The following EIF4E2 variants were observed in gnomAD, a reference collection of about 807,000 sequenced individuals.
EIF4E2 encodes the protein eukaryotic translation initiation factor 4E type 2.
A neutral mutation model predicts 34.2 loss-of-function variants in EIF4E2; 13 were observed. The ratio of observed to expected loss-of-function variants is 0.38; its 90% CI spans 0.25 to 0.60. EIF4E2 has a LOEUF of 0.60. EIF4E2 is among the 20% of genes least tolerant of loss of function. The pLI is 0.62. For synonymous variants in EIF4E2, 100 were observed against 106.6 expected, an observed-to-expected ratio of 0.94 and a Z score of 0.38; for missense variants, 222 against 315.1, an observed-to-expected ratio of 0.70 and a Z score of 2.24.
chr2:232,568,725 G>A (rs1172796976), intron 6 of EIF4E2: 4 of 985,250 alleles, frequency 4.1e-6, no homozygotes, highest in African/African-American at 3.5e-5. Flanking sequence ...ATATGTACAC[G>A]TCCTTACAGA....
At chr2:232,579,762 A>G (rs1335983247) in intron 6 of EIF4E2, among the ~76,000 whole-genome samples, 1 of 152,122 alleles carries the variant, frequency 6.6e-6, no homozygotes, top group Non-Finnish European at 1.5e-5. Flanking sequence ...AGAGTTCAAG[A>G]CCAACCTGGG....
chr2:232,564,269 A>G lies in EIF4E2; in HGVS notation c.293A>G (p.Tyr98Cys), dbSNP rs1275231663. Residue 98 changes from tyrosine (Y) to cysteine (C), a missense_variant, in exon 4 of 7, where the codon TAT becomes TGT. Coordinates refer to ENST00000258416, the MANE Select transcript of EIF4E2 (RefSeq NM_004846.4). The stretch of plus-strand genomic sequence containing the variant: ...CAGGTGGAGCAGTTCTGGAGGTTTT[A>G]TAGCCACATGGTACGTCCTGGGGAC... The part of the protein sequence containing the change: ...FASVEQFWRF[Y>C]SHMVRPGDLT... The G allele has an allele frequency of 1.9e-6, 3 of 1,598,178 alleles. No homozygotes were observed. Among genetic ancestry groups the G allele is most frequent in the Non-Finnish European group, 2.6e-6 (3 of 1,171,096 alleles).
intron 6 of EIF4E2, among the ~76,000 whole-genome samples, chr2:232,579,482 C>T (rs1574680751): frequency 1.3e-5 from 2 of 152,252 alleles, no homozygotes; most frequent in Non-Finnish European, 2.9e-5. Flanking sequence ...TCCAGTTTTT[C>T]TTCTCAGTTC....
rs1426892437 is a variant in EIF4E2 at position 232,567,226 on chromosome 2, G to A, written c.665+12G>A. The A allele has an allele frequency of 3.1e-6, 5 of 1,614,100 alleles. No homozygotes were observed. The highest frequency in any genetic ancestry group is 3.4e-6 in the Non-Finnish European group (4 of 1,179,976). On this transcript the variant is annotated intron_variant, in intron 6 of 6. Transcript: ENST00000258416. ...ACCGACAGCATCAAGTACGTGTTGGGGGGTTATGGGAGGACGTGTCCCTAA... is the reference window on the plus strand; with the variant it reads ...ACCGACAGCATCAAGTACGTGTTGGAGGGTTATGGGAGGACGTGTCCCTAA...
At chr2:232,569,432 A>G (rs900645880), downstream of EIF4E2, among the ~76,000 whole-genome samples, 2 of 151,894 alleles carry the variant, frequency 1.3e-5, no homozygotes, top group African/African-American at 4.8e-5. Flanking sequence ...ATAAGACCCC[A>G]TTTTCTGGTA....
chr2:232,571,768 G>T (rs773593883), downstream of EIF4E2, among the ~76,000 whole-genome samples: 1 of 152,190 alleles, frequency 6.6e-6, no homozygotes, highest in Non-Finnish European at 1.5e-5. Flanking sequence ...TCCTGGCATG[G>T]CTAAATCATA....
At chr2:232,550,777 T>A in intron 1 of EIF4E2, 33 bp downstream of exon 1, 1 of 1,538,796 alleles carries the variant, frequency 6.5e-7, no homozygotes, top group Non-Finnish European at 8.8e-7. Context: ...CGGGGCCCCT[T>A]CCCCGAACAG....
chr2:232,556,654 TG>T lies in EIF4E2; in HGVS notation c.135+125del, dbSNP rs1388006850. ...CATCCTGTGTTGGAATATCTGACTT[TG>T]TTCTCAGAAAAACATTGTGCAATCA... On this transcript the variant is annotated intron_variant, in intron 2 of 6. Coordinates refer to ENST00000258416, the MANE Select transcript of EIF4E2 (RefSeq NM_004846.4). 27 of 704,168 alleles carry T rather than the reference TG, an allele frequency of 3.8e-5. 1 individual carries two copies. In the African/African-American group the frequency reaches 4.8e-4, roughly 13 times the overall value. The allele number at this position is 704,168 out of a possible 1,614,324, so 43.6% of individuals were successfully genotyped here.
intron 6 of EIF4E2, 72 bp from the exon 7 acceptor site, chr2:232,568,873 C>G: frequency 1.2e-6 from 2 of 1,601,398 alleles, no homozygotes; most frequent in East Asian, 2.2e-5. Context: ...TCTTTGAGAC[C>G]CAGATGCTAC....
intron 3 of EIF4E2, among the ~76,000 whole-genome samples, chr2:232,561,042 G>A (rs1179608445): frequency 3.3e-5 from 5 of 152,176 alleles, no homozygotes; most frequent in Non-Finnish European, 7.4e-5. Context: ...GTGATACTAT[G>A]GGAAAGGCAT....
chr2:232,577,511 C>T (rs982211127), intron 6 of EIF4E2, among the ~76,000 whole-genome samples: 4 of 152,192 alleles, frequency 2.6e-5, no homozygotes, highest in South Asian at 4.2e-4. Context: ...TAATCTCTGC[C>T]GTAGTTCATT....
intron 6 of EIF4E2, among the ~76,000 whole-genome samples, chr2:232,578,492 G>A (rs554416980): frequency 4.6e-5 from 7 of 152,108 alleles, no homozygotes; most frequent in Admixed American, 1.3e-4. Flanking sequence ...TTAGCTGGGC[G>A]TGGTGGTGCA....
Position 232,558,029 on chromosome 2 carries a change from G to A in EIF4E2, c.270+11G>A. The stretch of plus-strand genomic sequence containing the variant: ...GGCACCTTTGCCTCTGTGAGTTCTT[G>A]GTGAATTAATGGAGTGTGCCTTGAT... On this transcript the variant is annotated intron_variant, in intron 3 of 6. Coordinates refer to ENST00000258416, the MANE Select transcript of EIF4E2 (RefSeq NM_004846.4). The A allele has an allele frequency of 1.2e-6, 2 of 1,613,714 alleles. No homozygotes were observed. Among genetic ancestry groups the A allele is most frequent in the Non-Finnish European group, 1.7e-6 (2 of 1,179,922 alleles).
At chr2:232,582,215 G>C (rs1186786301) in exon 7 of EIF4E2, 2 of 152,620 alleles carry the variant, frequency 1.3e-5, no homozygotes, top group African/African-American at 2.4e-5. Context: ...GCTCTTGTGA[G>C]CAAAGACTGC....
intron 2 of EIF4E2, 37 bp from the exon 3 acceptor site, chr2:232,557,847 A>T: frequency 6.2e-7 from 1 of 1,605,548 alleles, no homozygotes; most frequent in Non-Finnish European, 8.5e-7. Context: ...ACCACGTGAC[A>T]AATGCCCAGG....
At chr2:232,563,701 G>A (rs1273931162) in intron 3 of EIF4E2, among the ~76,000 whole-genome samples, 2 of 152,170 alleles carry the variant, frequency 1.3e-5, no homozygotes, top group African/African-American at 4.8e-5. Flanking sequence ...AGGTCTAAGA[G>A]GTATTTACAT....
At chr2:232,565,860 G>A (rs1185948724) in intron 4 of EIF4E2, among the ~76,000 whole-genome samples, 2 of 151,656 alleles carry the variant, frequency 1.3e-5, no homozygotes, top group South Asian at 2.1e-4. Context: ...TTGGGAATCC[G>A]AGGCAGACAG....
At chr2:232,582,238 TA>T (rs1350162035) in exon 7 of EIF4E2, 1 of 152,628 alleles carries the variant, frequency 6.6e-6, no homozygotes, top group Non-Finnish European at 1.5e-5. Flanking sequence ...TACCTTAAAT[TA>T]AGGCCTCTCT....
intron 1 of EIF4E2, 116 bp downstream of exon 1, chr2:232,550,860 G>A: frequency 9.4e-7 from 1 of 1,066,910 alleles, no homozygotes; most frequent in East Asian, 2.8e-5. Context: ...GCTGGGATCC[G>A]GCTGCGGCCG....
Sources: allele counts gnomAD v4.1 joint callset (sites outside exome capture counted in the v4.1 genomes callset), GRCh38; gene constraint gnomAD v4.1.1; transcripts MANE v1.5; gene names NCBI Gene and HGNC (gene_info 2026-07-23, HGNC 2026-07-21).